The following GRIK3 variants were observed in gnomAD, a reference collection of about 807,000 sequenced individuals.
The protein encoded by GRIK3 is glutamate receptor ionotropic, kainate 3.
GRIK3 carries 29 observed loss-of-function variants against 102.5 expected under a neutral mutation model. The ratio of observed to expected loss-of-function variants is 0.28; its 90% confidence interval spans 0.21 to 0.39. The LOEUF (loss-of-function observed/expected upper bound fraction) is 0.39, where lower values mean the gene tolerates loss of function less well. GRIK3 is among the 10% of genes least tolerant of loss of function. The pLI is 1.00. For synonymous variants in GRIK3, 511 were observed against 504.9 expected (o/e 1.01, Z -0.16); for missense variants, 908 against 1,252.4 (o/e 0.73, Z 4.15).
chr1:36,857,149 C>A (rs1640662364), intron 7 of GRIK3, among the ~76,000 whole-genome samples: 1 of 152,190 alleles, frequency 6.6e-6, no homozygotes, highest in South Asian at 2.1e-4. Flanking sequence ...AGTGGTGAAG[C>A]TTCCAAGTCA....
chr1:37,018,631 T>C (rs1642678062), intron 1 of GRIK3, among the ~76,000 whole-genome samples: 2 of 152,120 alleles, frequency 1.3e-5, no homozygotes, highest in African/African-American at 4.8e-5. Flanking sequence ...CTGACCCTCC[T>C]TAACTGCAGG....
chr1:36,926,393 C>T (rs1641528070), intron 1 of GRIK3, among the ~76,000 whole-genome samples: 1 of 151,016 alleles, frequency 6.6e-6, no homozygotes, highest in Admixed American at 6.6e-5. Context: ...CTCTACGCCC[C>T]ACTTTTTTTT....
intron 10 of GRIK3, among the ~76,000 whole-genome samples, chr1:36,829,649 G>A (rs924464527): frequency 1.2e-4 from 19 of 152,078 alleles, no homozygotes; most frequent in African/African-American, 4.3e-4. Context: ...CCCATAAGCA[G>A]CTTTCCACTT....
Position 36,850,990 on chromosome 1 carries a change from G to T in GRIK3, c.1213-566C>A, listed in dbSNP as rs920643470. On this transcript the variant is annotated intron_variant, in intron 8 of 15. Transcript: ENST00000373091. The surrounding 1 kb of genome is among the most constrained non-coding windows in gnomAD (Gnocchi z 4.0). ...CAGCGTCCTTGTGGATATCGGGCCT[G>T]AGGCTAGAGGTAGAGAAGGAAAGGT... is the stretch of plus-strand genomic sequence containing the variant. 3.3e-5 allele frequency among the ~76,000 whole-genome samples: 5 copies of T among 152,222 alleles called. No individual in the cohort carries two copies. Among genetic ancestry groups the T allele is most frequent in the Admixed American group, 2.0e-4 (3 of 15,282 alleles).
intron 12 of GRIK3, 141 bp from the exon 13 acceptor site, chr1:36,817,418 C>G (rs539528006): frequency 1.6e-6 from 1 of 631,524 alleles, no homozygotes; most frequent in Non-Finnish European, 2.8e-6. Flanking sequence ...AAGTGTGGTC[C>G]CTGGACTGGC....
chr1:36,874,809 C>T (rs910748358), intron 3 of GRIK3, among the ~76,000 whole-genome samples: 11 of 152,202 alleles, frequency 7.2e-5, no homozygotes, highest in Admixed American at 1.3e-4. Flanking sequence ...CAGCCAAGCA[C>T]ATCGCCCCAT....
At chr1:37,008,254 C>T (rs61768879) in intron 1 of GRIK3, among the ~76,000 whole-genome samples, 26,516 of 152,194 alleles carry the variant, frequency 0.17, 3,041 homozygotes, top group Non-Finnish European at 0.26. Flanking sequence ...CTACCCTTAC[C>T]GAGCGGGGTT....
chr1:37,019,616 G>A (rs1243083402), intron 1 of GRIK3, among the ~76,000 whole-genome samples: 1 of 152,008 alleles, frequency 6.6e-6, no homozygotes, highest in Non-Finnish European at 1.5e-5. Context: ...CCGCATCCTG[G>A]AGCCCCCGCA....
chr1:36,809,016 A>G (rs1362245922), intron 13 of GRIK3, among the ~76,000 whole-genome samples: 1 of 152,172 alleles, frequency 6.6e-6, no homozygotes, highest in Non-Finnish European at 1.5e-5. Context: ...GCAGCTCTTC[A>G]GTTCCTTTCC....
chr1:36,977,852 CA>C (rs1034647319), intron 1 of GRIK3, among the ~76,000 whole-genome samples: 4 of 152,254 alleles, frequency 2.6e-5, no homozygotes, highest in Admixed American at 6.5e-5. Context: ...AGCCAATAAA[CA>C]GAGTCCACCC....
At chr1:36,942,527 C>T (rs573101135) in intron 1 of GRIK3, among the ~76,000 whole-genome samples, 1 of 152,188 alleles carries the variant, frequency 6.6e-6, no homozygotes, top group Non-Finnish European at 1.5e-5. Context: ...GAGGCTGTTC[C>T]CTTGCCTGCA....
At chr1:36,929,047 A>G (rs1359565358) in intron 1 of GRIK3, among the ~76,000 whole-genome samples, 4 of 152,194 alleles carry the variant, frequency 2.6e-5, no homozygotes, top group Admixed American at 6.5e-5. Context: ...TGGGATAGGT[A>G]CAGTTATTCT....
chr1:36,909,524 C>T (rs576924823), intron 1 of GRIK3, among the ~76,000 whole-genome samples: 1 of 152,312 alleles, frequency 6.6e-6, no homozygotes, highest in South Asian at 2.1e-4. Flanking sequence ...TGATTTCGAA[C>T]TCTTGACCTC....
At chr1:36,983,138 C>A (rs1274632707) in intron 1 of GRIK3, among the ~76,000 whole-genome samples, 1 of 152,204 alleles carries the variant, frequency 6.6e-6, no homozygotes, top group Non-Finnish European at 1.5e-5. Flanking sequence ...CACACCCGAG[C>A]AGCATGCGGA....
At chr1:36,962,327 G>A (rs1257104727) in intron 1 of GRIK3, among the ~76,000 whole-genome samples, 1 of 152,030 alleles carries the variant, frequency 6.6e-6, no homozygotes, top group East Asian at 1.9e-4. Flanking sequence ...ATGCATGTTC[G>A]GTCCATTCCC....
chr1:36,896,579 G>A (rs565284751), intron 1 of GRIK3, among the ~76,000 whole-genome samples: 19 of 152,038 alleles, frequency 1.2e-4, no homozygotes, highest in Admixed American at 1.1e-3. Context: ...AGGCAGAAAA[G>A]GGCTGGAAGG....
At chr1:36,893,301 GC>G (rs754443738) in intron 1 of GRIK3, among the ~76,000 whole-genome samples, 4 of 152,150 alleles carry the variant, frequency 2.6e-5, no homozygotes, top group Non-Finnish European at 4.4e-5. Flanking sequence ...AAAGATGGAA[GC>G]TCTTATTTTA....
At chr1:36,975,289 T>TG (rs1642183730) in intron 1 of GRIK3, among the ~76,000 whole-genome samples, 1 of 102,882 alleles carries the variant, frequency 9.7e-6, no homozygotes, top group South Asian at 2.7e-4. Flanking sequence ...CTAAAGTTGG[T>TG]TTTTTTTTTT....
intron 1 of GRIK3, among the ~76,000 whole-genome samples, chr1:36,974,692 C>T (rs1026790429): frequency 1.3e-5 from 2 of 151,128 alleles, no homozygotes; most frequent in African/African-American, 4.9e-5. Flanking sequence ...CCGAGCCAAT[C>T]GGGAGGCTGA....
Sources: allele counts gnomAD v4.1 joint callset (sites outside exome capture counted in the v4.1 genomes callset), GRCh38; gene constraint gnomAD v4.1.1; non-coding constraint Gnocchi (gnomAD v3.1); transcripts MANE v1.5; gene names NCBI Gene and HGNC (gene_info 2026-07-23, HGNC 2026-07-21).